Variants in SLC6A19 observed in about 807,000 individuals in gnomAD.
SLC6A19 encodes solute carrier family 6 member 19, also known as sodium-dependent neutral amino acid transporter B(0)AT1.
Under a neutral mutation model 68.3 loss-of-function variants are expected in SLC6A19, and 67 were observed. The ratio of observed to expected loss-of-function variants is 0.98; its 90% CI spans 0.81 to 1.20. The LOEUF (loss-of-function observed/expected upper bound fraction) is 1.20, where lower values mean the gene tolerates loss of function less well. Among genes scored for constraint, SLC6A19 ranks in the 50% most tolerant of loss-of-function variants. The pLI is 0.00. For synonymous variants in SLC6A19, 392 were observed against 374.9 expected (o/e 1.05, Z -0.53); for missense variants, 813 against 851.6 (o/e 0.95, Z 0.56).
At chr5:1,216,523 A>G (rs1746211219) in intron 6 of SLC6A19, 35 bp from the exon 7 acceptor site, 1 of 1,613,448 alleles carries the variant, frequency 6.2e-7, no homozygotes, top group Admixed American at 1.7e-5. Context: ...CTGGGACCTC[A>G]TCGCCAGCCG....
chr5:1,221,992 C>T lies in SLC6A19; in HGVS notation c.*88C>T. 1.4e-6 allele frequency: 2 copies of T among 1,425,784 alleles called. No homozygotes were observed. The highest frequency in any genetic ancestry group is 4.8e-5 in the East Asian group (2 of 41,496). 88.3% of individuals were successfully genotyped at this position (1,425,784 alleles called of 1,614,324 possible). A position where few individuals can be genotyped will look rare whatever the true frequency, so the allele number is the denominator to read the frequency against. On this transcript the variant is annotated 3_prime_UTR_variant, in exon 12 of 12. Coordinates refer to ENST00000304460, the MANE Select transcript of SLC6A19 (RefSeq NM_001003841.3). ...TGGGGTGGGGGCCGGGCTGCACCTG[C>T]ATGTGTGTAAGCGTGAGTGTATGCT...
Position 1,219,594 on chromosome 5 carries a change from G to A in SLC6A19, c.1468G>A (p.Gly490Ser), listed in dbSNP as rs775323445. Residue 490 changes from glycine to serine, a missense_variant, in exon 10 of 12, where the codon GGC (glycine) becomes AGC (serine). Gly to Ser is a moderately conservative substitution (Grantham distance 56, BLOSUM62 0). Transcript: ENST00000304460. The part of the protein sequence containing the change: ...YWLSLLDSYA[G>S]SIPLLIIAFC... ...GCTCTCCCTGCTGGACAGCTATGCCGGCTCCATTCCCCTGCTCATCATCGC... is the reference window on the plus strand; with the variant it reads ...GCTCTCCCTGCTGGACAGCTATGCCAGCTCCATTCCCCTGCTCATCATCGC... 9.3e-6 allele frequency: 15 copies of A among 1,611,346 alleles called. No homozygotes were observed. In the Admixed American group the frequency reaches 1.3e-4, roughly 14 times the overall value.
chr5:1,204,745 A>G (rs12523049), intron 1 of SLC6A19, among the ~76,000 whole-genome samples: 63,134 of 151,934 alleles, frequency 0.42, 13,794 homozygotes, highest in Non-Finnish European at 0.5. Context: ...CGGAGGAGCC[A>G]CCCCTTCCAG....
chr5:1,207,347 T>C (rs1745884209), intron 1 of SLC6A19, among the ~76,000 whole-genome samples: 1 of 152,130 alleles, frequency 6.6e-6, no homozygotes, highest in Non-Finnish European at 1.5e-5. Context: ...TGGGAGGCCG[T>C]ACGTCCACCC....
rs1467757415 is a variant in SLC6A19 at position 1,221,622 on chromosome 5, T to C, written c.1702-79T>C. The C allele has an allele frequency of 7.7e-6, 12 of 1,558,594 alleles. No homozygotes were observed. The Admixed American group carries it at 1.0e-4, about 13-fold the overall frequency. ...CCCACAGGACAGGAGGTGAGAGTCATGGGGTGAGGGGCCTTTGCCTCAAAG... is the reference window on the plus strand; with the variant it reads ...CCCACAGGACAGGAGGTGAGAGTCACGGGGTGAGGGGCCTTTGCCTCAAAG... On this transcript the variant is annotated intron_variant, in intron 11 of 11. Transcript: ENST00000304460.
chr5:1,211,915 ATG>A (rs1470869687), intron 3 of SLC6A19, among the ~76,000 whole-genome samples: 4 of 138,406 alleles, frequency 2.9e-5, no homozygotes, highest in South Asian at 2.3e-4. Flanking sequence ...GTGTACATGC[ATG>A]TGTGTGCATG....
rs376867554 is a variant in SLC6A19 at position 1,212,269 on chromosome 5, G to A, written c.482-34G>A. The A allele has an allele frequency of 6.8e-6, 11 of 1,611,244 alleles. No individual in the cohort carries two copies. Among genetic ancestry groups the A allele is most frequent in the African/African-American group, 1.3e-5 (1 of 74,990 alleles). On this transcript the variant is annotated intron_variant, in intron 3 of 11. Transcript: ENST00000304460. The surrounding 1 kb of genome is among the most constrained non-coding windows in gnomAD (Gnocchi z 5.1). The stretch of plus-strand genomic sequence containing the variant: ...TCCATTCTCCTCCCTTGGGGGACCC[G>A]TACCCTGAGGTGTGTGAATGGCCCT...
At position 1,216,611 on chromosome 5, in the gene SLC6A19, C is replaced by T. The variant is rs369804798; in HGVS notation, c.941C>T (p.Ser314Leu). The T allele has an allele frequency of 7.4e-5, 120 of 1,614,022 alleles. No homozygotes were observed. Among genetic ancestry groups the T allele is most frequent in the Non-Finnish European group, 9.0e-5 (106 of 1,180,054 alleles). Residue 314 changes from serine (S) to leucine (L), a missense_variant, in exon 7 of 12, where the codon TCG becomes TTG. Coordinates refer to ENST00000304460, the MANE Select transcript of SLC6A19 (RefSeq NM_001003841.3). The part of the protein sequence containing the change: ...VIVSIINGFT[S>L]VYVAIVVYSV... ...GTGTCCATCATCAACGGCTTCACAT[C>T]GGTGTATGTGGCCATCGTGGTCTAC...
chr5:1,210,722 C>T, intron 3 of SLC6A19, 141 bp downstream of exon 3: 1 of 1,275,782 alleles, frequency 7.8e-7, no homozygotes, highest in South Asian at 1.3e-5. Flanking sequence ...AAAATGACAG[C>T]ACGAAAGAAA....
intron 1 of SLC6A19, among the ~76,000 whole-genome samples, chr5:1,202,208 C>T (rs1044280761): frequency 5.9e-5 from 9 of 152,218 alleles, no homozygotes; most frequent in Admixed American, 5.2e-4. Flanking sequence ...GCTGGGCCCT[C>T]CTGGGCATCA....
In SLC6A19 at chr5:1,216,699, C is replaced by T; in HGVS notation, c.1016+13C>T. The T allele has an allele frequency of 6.2e-7, 1 of 1,613,728 alleles. No homozygotes were observed. Among genetic ancestry groups the T allele is most frequent in the Non-Finnish European group, 8.5e-7 (1 of 1,180,032 alleles). On this transcript the variant is annotated intron_variant, in intron 7 of 11. Transcript: ENST00000304460. Reference sequence around the variant, plus strand: ...ACTGCTTCAGCACGTGAGTGGCTGTCCCACCATCCTGGTGCCTTGGGCTGC... The same window carrying T: ...ACTGCTTCAGCACGTGAGTGGCTGTTCCACCATCCTGGTGCCTTGGGCTGC...
chr5:1,210,709 C>A (rs892032572), intron 3 of SLC6A19, 128 bp downstream of exon 3: 2 of 1,336,866 alleles, frequency 1.5e-6, no homozygotes, highest in Non-Finnish European at 2.1e-6. Context: ...AACAGGGTGT[C>A]AAAAAATGAC....
chr5:1,210,238 A>C lies in SLC6A19; in HGVS notation c.344-206A>C, dbSNP rs373414249. ...TGTGCAGGGCAGGCGTGTGCCAGGA[A>C]GGTGTGAGCCTGGAAGGCGTGTACA... On this transcript the variant is annotated intron_variant, in intron 2 of 11. Transcript: ENST00000304460. Among the ~76,000 whole-genome samples, 68 of 152,314 alleles carry C rather than the reference A, an allele frequency of 4.5e-4. No individual in the cohort carries two copies. The South Asian group carries it at 0.014, about 31-fold the overall frequency.
intron 1 of SLC6A19, among the ~76,000 whole-genome samples, chr5:1,202,690 G>A (rs752832618): frequency 7.1e-5 from 3 of 42,470 alleles, no homozygotes; most frequent in Admixed American, 1.4e-4. Context: ...GGCAGTTCAC[G>A]GGGGGGCCGT....
intron 9 of SLC6A19, 134 bp from the exon 10 acceptor site, chr5:1,219,371 T>G: frequency 5.3e-6 from 7 of 1,325,588 alleles, no homozygotes; most frequent in Non-Finnish European, 7.3e-6. Context: ...TCCCCGGCAG[T>G]GTGTGCAGCC....
At chr5:1,218,839 G>A (rs1357525895) in intron 8 of SLC6A19, 64 bp from the exon 9 acceptor site, 18 of 1,573,412 alleles carry the variant, frequency 1.1e-5, no homozygotes, top group East Asian at 2.2e-5. Context: ...ACGAGACCTC[G>A]GGCGGGGAGG....
At position 1,214,157 on chromosome 5, in the gene SLC6A19, G is replaced by T; in HGVS notation, c.887+92G>T. ...AAGACAAGGTGGAAAGCACTCTGTGGCTGTGTGGCCGGGGCCTTGCTGCCC... is the reference window on the plus strand; with the variant it reads ...AAGACAAGGTGGAAAGCACTCTGTGTCTGTGTGGCCGGGGCCTTGCTGCCC... On this transcript the variant is annotated intron_variant, in intron 6 of 11. Transcript: ENST00000304460. The surrounding 1 kb of genome is among the most constrained non-coding windows in gnomAD (Gnocchi z 7.4). 6.3e-7 allele frequency: 1 copy of T among 1,586,562 alleles called. No individual in the cohort carries two copies. The highest frequency in any genetic ancestry group is 1.3e-5 in the African/African-American group (1 of 74,284).
At chr5:1,202,383 G>A (rs544747321) in intron 1 of SLC6A19, among the ~76,000 whole-genome samples, 6 of 152,254 alleles carry the variant, frequency 3.9e-5, no homozygotes, top group East Asian at 3.9e-4. Flanking sequence ...GCCGGGAGCC[G>A]CTGTGCCCAC....
chr5:1,207,731 G>A (rs560075073), intron 1 of SLC6A19, among the ~76,000 whole-genome samples: 18 of 152,310 alleles, frequency 1.2e-4, no homozygotes, highest in Non-Finnish European at 2.2e-4. Flanking sequence ...CGTGGCCCTC[G>A]GTTTAGACCA....
Sources: gnomAD v4.1 joint callset for allele counts (sites outside exome capture counted in the v4.1 genomes callset) on GRCh38, gnomAD v4.1.1 for gene constraint, Gnocchi (gnomAD v3.1) non-coding constraint, MANE v1.5 for transcripts, NCBI Gene and HGNC (gene_info 2026-07-23, HGNC 2026-07-21) for gene names.